The following IL16 variants were observed in gnomAD, a reference collection of about 807,000 sequenced individuals.
IL16 encodes the protein pro-interleukin-16.
In IL16, 67 loss-of-function variants were observed where a neutral mutation model predicts 110.1. The observed-to-expected ratio is 0.61, with a 90% CI of 0.50 to 0.75. The LOEUF (loss-of-function observed/expected upper bound fraction) is 0.75, where lower values mean the gene tolerates loss of function less well. Among genes scored for constraint, IL16 ranks in the 30% least tolerant of loss-of-function variants. IL16 has a pLI of 0.00. For synonymous variants in IL16, 689 were observed against 662.9 expected (o/e 1.04, Z -0.61); for missense variants, 1,545 against 1,655.0 (o/e 0.93, Z 1.15).
At chr15:81,270,609 C>T (rs963219274) in intron 5 of IL16, among the ~76,000 whole-genome samples, 2 of 152,192 alleles carry the variant, frequency 1.3e-5, no homozygotes, top group South Asian at 4.1e-4. Flanking sequence ...CTCTGAAGGA[C>T]CCATTTTCTG....
chr15:81,306,550 G>A lies in IL16; in HGVS notation c.3805+5G>A. On this transcript the variant is annotated splice_donor_5th_base_variant and intron_variant, in intron 18 of 18. Coordinates refer to ENST00000683961, the MANE Select transcript of IL16 (RefSeq NM_172217.5). ...CCATTAACAGGATTTTCAAAGGTGT[G>A]GGGTGTGTCTGGTTCTTTGCGTGCT... The A allele has an allele frequency of 6.2e-7, 1 of 1,611,902 alleles. No individual in the cohort carries two copies. Among genetic ancestry groups the A allele is most frequent in the Non-Finnish European group, 8.5e-7 (1 of 1,179,960 alleles).
At chr15:81,183,023 G>C (rs1483541307) in intron 1 of IL16, 1 of 487,230 alleles carries the variant, frequency 2.1e-6, no homozygotes, top group Non-Finnish European at 3.8e-6. Context: ...GTATATGAGT[G>C]AGTGTGTGTG....
chr15:81,311,565 G>C lies in IL16; in HGVS notation c.*2767G>C, dbSNP rs1370375846. On this transcript the variant is annotated 3_prime_UTR_variant, in exon 19 of 19. Coordinates refer to ENST00000683961, the MANE Select transcript of IL16 (RefSeq NM_172217.5). ...CATAGGCCCAGTGAGATGCATTCTT[G>C]GTTGGCTGGCCTTCCACTTGGCTAC... is the stretch of plus-strand genomic sequence containing the variant. 1 of 152,264 alleles carries C rather than the reference G, an allele frequency of 6.6e-6. No individual in the cohort carries two copies. The highest frequency in any genetic ancestry group is 1.5e-5 in the Non-Finnish European group (1 of 68,108). 9.4% of individuals were successfully genotyped at this position (152,264 alleles called of 1,614,324 possible). A position where few individuals can be genotyped will look rare whatever the true frequency, so the allele number is the denominator to read the frequency against.
At chr15:81,185,280 A>G (rs1363513584) in intron 1 of IL16, among the ~76,000 whole-genome samples, 1 of 151,534 alleles carries the variant, frequency 6.6e-6, no homozygotes, top group Admixed American at 6.6e-5. Context: ...CTAATTTCCT[A>G]TTTACTTTTC....
intron 1 of IL16, among the ~76,000 whole-genome samples, chr15:81,219,948 T>G (rs1896559124): frequency 6.6e-6 from 1 of 152,140 alleles, no homozygotes; most frequent in Non-Finnish European, 1.5e-5. Context: ...TATGTCTATC[T>G]CTCCTCTCCA....
upstream of IL16, among the ~76,000 whole-genome samples, chr15:81,191,965 G>A (rs765616368): frequency 1.6e-4 from 24 of 152,130 alleles, no homozygotes; most frequent in Non-Finnish European, 1.8e-4. Flanking sequence ...GGAAAACAAC[G>A]CAAAGCCTTT....
At position 81,313,523 on chromosome 15, in the gene IL16, A is replaced by C; in HGVS notation, c.*4725A>C. 17 of 999,070 alleles carry C rather than the reference A, an allele frequency of 1.7e-5. No individual in the cohort carries two copies. The highest frequency in any genetic ancestry group is 2.1e-5 in the Non-Finnish European group (15 of 725,088). 61.9% of individuals were successfully genotyped at this position (999,070 alleles called of 1,614,324 possible). On this transcript the variant is annotated 3_prime_UTR_variant, in exon 19 of 19. Transcript: ENST00000683961. ...GGCCATGATACAGTGATCGCGTCTC[A>C]TCCCTTGCTGTGCCCTCCACCCAGG...
chr15:81,284,022 AAGAGAG>A (rs71451572), intron 9 of IL16, among the ~76,000 whole-genome samples: 1 of 146,138 alleles, frequency 6.8e-6, no homozygotes, highest in Non-Finnish European at 1.5e-5. Flanking sequence ...AAAAAAAAAA[AAGAGAG>A]AGAGAAGATA....
intron 14 of IL16, 54 bp downstream of exon 14, chr15:81,300,529 A>T (rs1347173020): frequency 7.6e-6 from 9 of 1,187,970 alleles, no homozygotes; most frequent in Non-Finnish European, 1.1e-5. Flanking sequence ...TTTCTTTCTC[A>T]TCTTTATTTT....
Position 81,311,833 on chromosome 15 carries a change from T to C in IL16, c.*3035T>C, listed in dbSNP as rs1900871351. On this transcript the variant is annotated 3_prime_UTR_variant, in exon 19 of 19. Coordinates refer to ENST00000683961, the MANE Select transcript of IL16 (RefSeq NM_172217.5). Reference sequence around the variant, plus strand: ...GAAAAGGGTGTTAGCTAAAGGATCTTAGGCATGACTGTAGAATTTGTAGTT... The same window carrying C: ...GAAAAGGGTGTTAGCTAAAGGATCTCAGGCATGACTGTAGAATTTGTAGTT... 6.6e-6 allele frequency: 1 copy of C among 152,198 alleles called. No homozygotes were observed. The highest frequency in any genetic ancestry group is 2.4e-5 in the African/African-American group (1 of 41,444). 9.4% of individuals were successfully genotyped at this position (152,198 alleles called of 1,614,324 possible).
chr15:81,244,139 A>C (rs1400783474), intron 2 of IL16, among the ~76,000 whole-genome samples: 5 of 152,188 alleles, frequency 3.3e-5, no homozygotes, highest in Non-Finnish European at 5.9e-5. Flanking sequence ...CGTTTATGCT[A>C]TAATTGTCTT....
intron 1 of IL16, among the ~76,000 whole-genome samples, chr15:81,188,631 A>C (rs918974676): frequency 1.3e-5 from 2 of 152,126 alleles, no homozygotes; most frequent in Admixed American, 1.3e-4. Flanking sequence ...GTGCACGTGC[A>C]TACGTATGCC....
At chr15:81,251,809 A>G (rs762814351) in intron 2 of IL16, among the ~76,000 whole-genome samples, 3 of 152,224 alleles carry the variant, frequency 2.0e-5, no homozygotes, top group Non-Finnish European at 4.4e-5. Context: ...ATAAAAATAT[A>G]GACACTGTTT....
intron 1 of IL16, among the ~76,000 whole-genome samples, chr15:81,188,855 G>T (rs2141916068): frequency 6.6e-6 from 1 of 152,138 alleles, no homozygotes; most frequent in East Asian, 1.9e-4. Flanking sequence ...TACAAAGAAA[G>T]ATATGGCACA....
intron 1 of IL16, among the ~76,000 whole-genome samples, chr15:81,200,621 T>G (rs2141952154): frequency 6.6e-6 from 1 of 152,330 alleles, no homozygotes; most frequent in Non-Finnish European, 1.5e-5. Flanking sequence ...TCTGCTCGCC[T>G]CAACCTCCCA....
intron 1 of IL16, among the ~76,000 whole-genome samples, chr15:81,209,740 T>C (rs1422144165): frequency 6.6e-6 from 1 of 152,118 alleles, no homozygotes; most frequent in East Asian, 1.9e-4. Flanking sequence ...ACGGGGACAC[T>C]CTAGTCCATG....
chr15:81,248,394 G>A (rs1897642201), intron 2 of IL16, among the ~76,000 whole-genome samples: 1 of 151,420 alleles, frequency 6.6e-6, no homozygotes, highest in South Asian at 2.1e-4. Context: ...TATTTTACCT[G>A]TATATTTCTT....
rs935083213 is a variant in IL16 at position 81,238,146 on chromosome 15, C to G, written c.312+12435C>G. On this transcript the variant is annotated intron_variant, in intron 2 of 18. Coordinates refer to ENST00000683961, the MANE Select transcript of IL16 (RefSeq NM_172217.5). The stretch of plus-strand genomic sequence containing the variant: ...CTTGAACTCCTGACCTCGTGATCCA[C>G]CCACCTCAGCCTCCCAAAGTGCTGG... Among the ~76,000 whole-genome samples the G allele has an allele frequency of 3.3e-5, 5 of 152,268 alleles. No individual in the cohort carries two copies. The South Asian group carries it at 1.0e-3, about 32-fold the overall frequency.
At chr15:81,225,903 AAC>A (rs1896774554) in intron 2 of IL16, among the ~76,000 whole-genome samples, 192 bp downstream of exon 2, 1 of 152,200 alleles carries the variant, frequency 6.6e-6, no homozygotes, top group Non-Finnish European at 1.5e-5. Flanking sequence ...AGGCTCAGTT[AAC>A]ACTCTTGCTT....
Sources: allele counts gnomAD v4.1 joint callset (sites outside exome capture counted in the v4.1 genomes callset), GRCh38; gene constraint gnomAD v4.1.1; transcripts MANE v1.5; gene names NCBI Gene and HGNC (gene_info 2026-07-23, HGNC 2026-07-21).